Variants in ZNF91 observed in about 807,000 individuals in gnomAD.
ZNF91 encodes the protein zinc finger protein 91 (HPF7, HTF10).
Under a neutral mutation model 12.6 loss-of-function variants are expected in ZNF91, and 7 were observed. The observed-to-expected ratio is 0.55, with a 90% CI of 0.31 to 1.04. The LOEUF (loss-of-function observed/expected upper bound fraction) is 1.04. ZNF91 is among the 50% of genes least tolerant of loss of function. The pLI, the probability that ZNF91 is intolerant of heterozygous loss-of-function variation, is 0.05. For missense variants in ZNF91, 1,217 were observed against 1,385.4 expected (o/e 0.88, Z 1.93); for synonymous variants, 453 against 462.6 (o/e 0.98, Z 0.27).
chr19:23,338,320 T>G (rs1398483323), downstream of ZNF91: 1 of 152,022 alleles, frequency 6.6e-6, no homozygotes, highest in Non-Finnish European at 1.5e-5. Flanking sequence ...AGCAGACTTC[T>G]CAGCAGAAAC....
intron 3 of ZNF91, among the ~76,000 whole-genome samples, chr19:23,352,264 G>A (rs563099220): frequency 5.3e-5 from 8 of 152,158 alleles, no homozygotes; most frequent in Admixed American, 2.0e-4. Context: ...TATGACTGCC[G>A]GCTTTCCCCC....
chr19:23,390,045 G>A (rs1176146347), intron 1 of ZNF91, among the ~76,000 whole-genome samples: 1 of 152,116 alleles, frequency 6.6e-6, no homozygotes, highest in Non-Finnish European at 1.5e-5. Context: ...GGACAGGCGC[G>A]CCAGCTCACT....
chr19:23,330,380 A>G (rs1457476255), intron 1 of ZNF91, among the ~76,000 whole-genome samples: 2 of 152,086 alleles, frequency 1.3e-5, no homozygotes, highest in African/African-American at 4.8e-5. Flanking sequence ...ATCTCACATG[A>G]AAGTCTTATT....
intron 3 of ZNF91, among the ~76,000 whole-genome samples, chr19:23,348,361 AT>A (rs1455667921): frequency 6.6e-6 from 1 of 152,234 alleles, no homozygotes; most frequent in African/African-American, 2.4e-5. Flanking sequence ...TTTCATGGAC[AT>A]TTATTAGTTC....
intron 3 of ZNF91, chr19:23,342,359 A>G (rs1968142340): frequency 5.9e-6 from 2 of 340,384 alleles, no homozygotes; most frequent in Non-Finnish European, 1.1e-5. Flanking sequence ...ATTATGAAAG[A>G]TTCTAGAAAT....
chr19:23,388,318 A>G (rs945557494), intron 1 of ZNF91, among the ~76,000 whole-genome samples: 2 of 151,034 alleles, frequency 1.3e-5, no homozygotes, highest in African/African-American at 4.8e-5. Context: ...GTCATAAAAA[A>G]CAAACAGAAA....
intron 1 of ZNF91, among the ~76,000 whole-genome samples, chr19:23,317,618 G>A (rs1967594544): frequency 6.6e-6 from 1 of 152,138 alleles, no homozygotes; most frequent in Non-Finnish European, 1.5e-5. Context: ...ATACTGCCAC[G>A]TGAACACGGC....
intron 1 of ZNF91, among the ~76,000 whole-genome samples, chr19:23,322,449 C>G (rs1967717420): frequency 6.6e-6 from 1 of 152,112 alleles, no homozygotes; most frequent in South Asian, 2.1e-4. Context: ...TGTCTGGATC[C>G]AAAACCAAAA....
intron 1 of ZNF91, chr19:23,385,400 G>A (rs1969840563): frequency 6.5e-6 from 2 of 308,246 alleles, no homozygotes; most frequent in East Asian, 1.1e-4. Context: ...TTTGTGATGG[G>A]TTTTCTAAAA....
intron 3 of ZNF91, 107 bp downstream of exon 3, chr19:23,373,635 A>C (rs1465473372): frequency 2.3e-6 from 2 of 859,022 alleles, no homozygotes; most frequent in Admixed American, 5.3e-5. Flanking sequence ...GGCTTCCCAG[A>C]AACTATTTCC....
chr19:23,342,758 T>C (rs1222117930), intron 3 of ZNF91, among the ~76,000 whole-genome samples: 3 of 152,062 alleles, frequency 2.0e-5, no homozygotes, highest in Admixed American at 6.6e-5. Context: ...CTGGGGTATA[T>C]TTATTCTCAC....
At chr19:23,378,718 A>G (rs1206203885) in intron 1 of ZNF91, among the ~76,000 whole-genome samples, 1 of 152,198 alleles carries the variant, frequency 6.6e-6, no homozygotes, top group Non-Finnish European at 1.5e-5. Flanking sequence ...AACGGCCCAA[A>G]TAAAGCCCAT....
At position 23,360,780 on chromosome 19, in the gene ZNF91, C is replaced by T. The variant is rs1968707868; in HGVS notation, c.2199G>A (p.Lys733=). The T allele has an allele frequency of 6.2e-7, 1 of 1,612,524 alleles. No individual in the cohort carries two copies. The highest frequency in any genetic ancestry group is 8.5e-7 in the Non-Finnish European group (1 of 1,179,330). Residue 733 remains lysine, a synonymous_variant, in exon 4 of 4, where the codon AAG becomes AAA. Transcript: ENST00000300619. ...AAGGTTTCTCTCCAGTATGAATAAA[C>T]TTATGTATAGTAAGATTTGAAGATC... The part of the protein sequence containing the change: ...FNRSSNLTIH[K]FIHTGEKPYK...
intron 1 of ZNF91, chr19:23,328,988 A>G (rs1224145804): frequency 6.6e-6 from 1 of 152,158 alleles, no homozygotes; most frequent in Non-Finnish European, 1.5e-5. Flanking sequence ...TCCACTTGTA[A>G]TGTGTTTTAG....
intron 1 of ZNF91, among the ~76,000 whole-genome samples, chr19:23,394,733 AC>A (rs1265915788): frequency 1.3e-5 from 2 of 152,154 alleles, no homozygotes; most frequent in Non-Finnish European, 1.5e-5. Flanking sequence ...TTTTCAAAAA[AC>A]AAAACAAAAC....
At chr19:23,306,460 C>A (rs190775329) in intron 3 of ZNF91, among the ~76,000 whole-genome samples, 1 of 151,738 alleles carries the variant, frequency 6.6e-6, no homozygotes, top group Non-Finnish European at 1.5e-5. Context: ...GGAATTGTAA[C>A]GTATCACCGG....
downstream of ZNF91, among the ~76,000 whole-genome samples, chr19:23,335,030 G>A (rs577528768): frequency 8.5e-5 from 13 of 152,226 alleles, no homozygotes; most frequent in South Asian, 4.2e-4. Context: ...TGTGCATAGC[G>A]TGGAGGTTTG....
At chr19:23,309,357 A>G (rs952405231) in intron 1 of ZNF91, among the ~76,000 whole-genome samples, 7 of 152,154 alleles carry the variant, frequency 4.6e-5, no homozygotes, top group African/African-American at 1.7e-4. Context: ...ATTGCTACAT[A>G]TGGTGGAACC....
intron 1 of ZNF91, chr19:23,329,168 T>C (rs1967886109): frequency 6.6e-6 from 1 of 152,224 alleles, no homozygotes; most frequent in African/African-American, 2.4e-5. Flanking sequence ...AGAAAAGATT[T>C]CTTGTAGATG....
Sources: gnomAD v4.1 joint callset for allele counts (sites outside exome capture counted in the v4.1 genomes callset) on GRCh38, gnomAD v4.1.1 for gene constraint, MANE v1.5 for transcripts, NCBI Gene and HGNC (gene_info 2026-07-23, HGNC 2026-07-21) for gene names.